The following UBAC2 variants were observed in gnomAD, a reference collection of about 807,000 sequenced individuals.
The protein encoded by UBAC2 is ubiquitin-associated domain-containing protein 2.
In UBAC2, 26 loss-of-function variants were observed where a neutral mutation model predicts 44.0. That is an observed-to-expected ratio of 0.59 (90% CI 0.43 to 0.82). The LOEUF is 0.82. Ranked by LOEUF, UBAC2 falls within the 40% of genes least tolerant of loss-of-function variation. The probability of loss-of-function intolerance (pLI) is 0.00; values close to 1 mark genes in which losing one functional copy is unlikely to be tolerated. For missense variants in UBAC2, 329 were observed against 419.4 expected (o/e 0.78, Z 1.88); for synonymous variants, 155 against 154.3 (o/e 1.00, Z -0.04).
intron 6 of UBAC2, among the ~76,000 whole-genome samples, chr13:99,333,918 T>C (rs1344103243): frequency 6.6e-6 from 1 of 152,162 alleles, no homozygotes; most frequent in Non-Finnish European, 1.5e-5. Flanking sequence ...CTATGCATTT[T>C]CATTATATTT....
chr13:99,368,545 G>A (rs887960061), intron 8 of UBAC2, among the ~76,000 whole-genome samples: 16 of 152,170 alleles, frequency 1.1e-4, no homozygotes, highest in African/African-American at 3.6e-4. Flanking sequence ...ATTATGCTGT[G>A]TGTATTATAG....
chr13:99,229,653 A>T (rs2043150660), intron 1 of UBAC2, among the ~76,000 whole-genome samples: 1 of 152,244 alleles, frequency 6.6e-6, no homozygotes, highest in Non-Finnish European at 1.5e-5. Context: ...GACCGTAAAA[A>T]TGACCGTGCA....
At chr13:99,231,026 C>T (rs913862536) in intron 1 of UBAC2, among the ~76,000 whole-genome samples, 5 of 151,684 alleles carry the variant, frequency 3.3e-5, no homozygotes, top group African/African-American at 9.7e-5. Context: ...CCAGCCTGGG[C>T]GACAGAGGGA....
chr13:99,310,016 T>C (rs2044391386), intron 4 of UBAC2, among the ~76,000 whole-genome samples: 1 of 152,236 alleles, frequency 6.6e-6, no homozygotes, highest in African/African-American at 2.4e-5. Flanking sequence ...TAGCAGTAGA[T>C]GCTCAGTAAA....
At chr13:99,248,844 T>A (rs1169205578) in intron 4 of UBAC2, among the ~76,000 whole-genome samples, 2 of 152,182 alleles carry the variant, frequency 1.3e-5, no homozygotes, top group Non-Finnish European at 2.9e-5. Context: ...CATTTCCTGA[T>A]GATTTATAGA....
In UBAC2 at chr13:99,325,373, G is replaced by T. The variant is rs151204686; in HGVS notation, c.561+7304G>T. On this transcript the variant is annotated intron_variant, in intron 6 of 8. Coordinates refer to ENST00000403766, the MANE Select transcript of UBAC2 (RefSeq NM_001144072.2). ...CCGCCTCGGCCTCCCAAATTGCTGG[G>T]ATTACAGACATGAGCCACAGTGCCC... Among the ~76,000 whole-genome samples, 64 of 152,214 alleles carry T rather than the reference G, an allele frequency of 4.2e-4. 1 individual carries two copies. The East Asian group carries it at 0.01, about 24-fold the overall frequency.
intron 4 of UBAC2, among the ~76,000 whole-genome samples, chr13:99,269,682 T>C (rs1423299135): frequency 6.6e-6 from 1 of 152,182 alleles, no homozygotes; most frequent in Non-Finnish European, 1.5e-5. Context: ...TCAAAATAAA[T>C]TACATTTTTC....
chr13:99,382,489 A>G (rs1177896206), intron 8 of UBAC2, among the ~76,000 whole-genome samples: 1 of 152,188 alleles, frequency 6.6e-6, no homozygotes, highest in Non-Finnish European at 1.5e-5. Context: ...CATTGAAGCT[A>G]AGGGCCCAGA....
At chr13:99,291,535 T>C (rs2044089072) in intron 4 of UBAC2, among the ~76,000 whole-genome samples, 1 of 152,222 alleles carries the variant, frequency 6.6e-6, no homozygotes, top group Non-Finnish European at 1.5e-5. Flanking sequence ...TTAAGATCAG[T>C]GCTTCCCCTT....
At chr13:99,277,457 G>A (rs578044634) in intron 4 of UBAC2, among the ~76,000 whole-genome samples, 15 of 151,036 alleles carry the variant, frequency 9.9e-5, no homozygotes, top group African/African-American at 2.2e-4. Flanking sequence ...CCTGGGAGGC[G>A]GAGGTTACAG....
chr13:99,374,467 C>T (rs748459802), intron 8 of UBAC2, among the ~76,000 whole-genome samples: 1 of 152,198 alleles, frequency 6.6e-6, no homozygotes, highest in Non-Finnish European at 1.5e-5. Context: ...CGTGTGGATT[C>T]TGTTTATGTC....
At chr13:99,340,646 T>C in intron 7 of UBAC2, 81 bp downstream of exon 7, 5 of 1,459,106 alleles carry the variant, frequency 3.4e-6, no homozygotes, top group South Asian at 2.6e-5. Flanking sequence ...GCATGTGAGA[T>C]AGAGACTACA....
chr13:99,385,113 T>A, intron 8 of UBAC2, 115 bp from the exon 9 acceptor site: 1 of 750,854 alleles, frequency 1.3e-6, no homozygotes, highest in Non-Finnish European at 2.2e-6. Flanking sequence ...TGAAAATTGG[T>A]TTTTTTGTAA....
rs374873259 is a variant in UBAC2, at chr13:99,276,034, T to C, written c.389+31410T>C. ...CTTGACTTGAGTGGACAAATTTTGA[T>C]TTTTAGTATTGTATTTGTACTGTCA... On this transcript the variant is annotated intron_variant, in intron 4 of 8. Coordinates refer to ENST00000403766, the MANE Select transcript of UBAC2 (RefSeq NM_001144072.2). Among the ~76,000 whole-genome samples, 206 of 152,310 alleles carry C rather than the reference T, an allele frequency of 1.4e-3. 2 individuals carry two copies. Among genetic ancestry groups the C allele is most frequent in the African/African-American group, 4.8e-3 (201 of 41,568 alleles).
At chr13:99,215,840 C>T (rs1484661514) in intron 1 of UBAC2, 3 of 530,964 alleles carry the variant, frequency 5.7e-6, no homozygotes, top group Admixed American at 3.4e-5. Context: ...ACTCCTTCAT[C>T]GCACCGTGAT....
intron 4 of UBAC2, among the ~76,000 whole-genome samples, chr13:99,275,946 C>G (rs2043876375): frequency 6.6e-6 from 1 of 152,212 alleles, no homozygotes; most frequent in South Asian, 2.1e-4. Context: ...TTCCCCAGAT[C>G]ATACTCTCCA....
intron 1 of UBAC2, among the ~76,000 whole-genome samples, chr13:99,214,339 G>A (rs2042967696): frequency 6.6e-6 from 1 of 151,854 alleles, no homozygotes; most frequent in Admixed American, 6.6e-5. Flanking sequence ...TGAATGACTG[G>A]ATTCCTAAGT....
At chr13:99,263,601 A>G (rs968829697) in intron 4 of UBAC2, among the ~76,000 whole-genome samples, 7 of 152,220 alleles carry the variant, frequency 4.6e-5, no homozygotes, top group African/African-American at 1.7e-4. Context: ...TATTAAAATG[A>G]AGATACCAAC....
chr13:99,320,688 T>G (rs148598008), intron 6 of UBAC2, among the ~76,000 whole-genome samples: 64 of 152,364 alleles, frequency 4.2e-4, no homozygotes, highest in Non-Finnish European at 8.2e-4. Context: ...AACATTTTCT[T>G]TCTTTGTCTA....
Sources: gnomAD v4.1 joint callset for allele counts (sites outside exome capture counted in the v4.1 genomes callset) on GRCh38, gnomAD v4.1.1 for gene constraint, MANE v1.5 for transcripts, NCBI Gene and HGNC (gene_info 2026-07-23, HGNC 2026-07-21) for gene names.